Variants in BLM observed in about 807,000 individuals in gnomAD.
The protein encoded by BLM is BLM RecQ like helicase.
Under a neutral mutation model 135.3 loss-of-function variants are expected in BLM, and 95 were observed. That is an observed-to-expected ratio of 0.70 (90% CI 0.59 to 0.83). BLM has a LOEUF of 0.83. Ranked by LOEUF, BLM falls within the 40% of genes least tolerant of loss-of-function variation. The probability of loss-of-function intolerance (pLI) is 0.00; values close to 1 mark genes in which losing one functional copy is unlikely to be tolerated. For synonymous variants in BLM, 520 were observed against 589.2 expected, an observed-to-expected ratio of 0.88 and a Z score of 1.70; for missense variants, 1,518 against 1,663.9, an observed-to-expected ratio of 0.91 and a Z score of 1.53.
intron 1 of BLM, among the ~76,000 whole-genome samples, chr15:90,719,426 A>G (rs1894708398): frequency 6.6e-6 from 1 of 151,976 alleles, no homozygotes; most frequent in Non-Finnish European, 1.5e-5. Context: ...ACATGGCGAA[A>G]CTCCCTCTCT....
intron 7 of BLM, 140 bp from the exon 8 acceptor site, chr15:90,762,826 G>A (rs1896020873): frequency 1.2e-6 from 1 of 815,276 alleles, no homozygotes; most frequent in East Asian, 2.7e-5. Context: ...GACTTGTAGG[G>A]AAGGAAAGCC....
In BLM at chr15:90,803,700, G is replaced by A. The variant is rs1324479116; in HGVS notation, c.3538G>A (p.Val1180Ile). ...YVMLGNKAQT[V>I]LNGNLKVDFM... Reference sequence around the variant, plus strand: ...GATGCTCGGAAATAAAGCCCAAACTGTACTAAATGGCAATTTAAAGGTATA... The same window carrying A: ...GATGCTCGGAAATAAAGCCCAAACTATACTAAATGGCAATTTAAAGGTATA... The change falls in exon 18 of 22, where the codon GTA becomes ATA. Residue 1180 changes from valine (V) to isoleucine (I), a missense_variant. Transcript: ENST00000355112. 3.1e-6 allele frequency: 5 copies of A among 1,613,988 alleles called. No homozygotes were observed. Among genetic ancestry groups the A allele is most frequent in the Non-Finnish European group, 4.2e-6 (5 of 1,179,974 alleles).
At chr15:90,774,783 G>A (rs1468761079) in intron 12 of BLM, among the ~76,000 whole-genome samples, 1 of 146,186 alleles carries the variant, frequency 6.8e-6, no homozygotes, top group Admixed American at 6.9e-5. Context: ...GCAGTGAGCC[G>A]AGATCATGCC....
chr15:90,742,987 A>G (rs1009459670), intron 1 of BLM, among the ~76,000 whole-genome samples: 2 of 144,554 alleles, frequency 1.4e-5, no homozygotes, highest in Non-Finnish European at 3.0e-5. Context: ...TGAAGCTTAC[A>G]TTTCCTGTGA....
intron 20 of BLM, among the ~76,000 whole-genome samples, chr15:90,810,307 A>C (rs1420381168): frequency 6.6e-6 from 1 of 152,170 alleles, no homozygotes; most frequent in African/African-American, 2.4e-5. Context: ...CACCTGCCTC[A>C]GCCTCCTGAA....
chr15:90,803,856 T>G (rs1425103261), intron 18 of BLM, 136 bp downstream of exon 18: 1 of 987,076 alleles, frequency 1.0e-6, no homozygotes, highest in Non-Finnish European at 1.5e-6. Flanking sequence ...ATATTCTGTT[T>G]TTCTTAAATT....
intron 1 of BLM, among the ~76,000 whole-genome samples, chr15:90,726,689 T>A (rs1299270668): frequency 6.6e-6 from 1 of 152,242 alleles, no homozygotes; most frequent in Non-Finnish European, 1.5e-5. Flanking sequence ...GAACATATGG[T>A]GTTTAACTTT....
At chr15:90,729,944 C>G (rs909330304) in intron 1 of BLM, among the ~76,000 whole-genome samples, 11 of 152,286 alleles carry the variant, frequency 7.2e-5, no homozygotes, top group South Asian at 2.1e-4. Flanking sequence ...CTCCCGGGTT[C>G]AAGCGATTCT....
At chr15:90,790,448 G>A in intron 14 of BLM, 1 of 597,836 alleles carries the variant, frequency 1.7e-6, no homozygotes, top group Non-Finnish European at 2.9e-6. Flanking sequence ...ACCTTCTTGG[G>A]TTTTAATGGC....
chr15:90,812,052 C>A (rs548705541), intron 21 of BLM, among the ~76,000 whole-genome samples: 3 of 152,178 alleles, frequency 2.0e-5, no homozygotes, highest in African/African-American at 7.2e-5. Context: ...TCTTAAGAGA[C>A]TTTTCCACCT....
chr15:90,807,389 T>A (rs995551619), intron 19 of BLM, among the ~76,000 whole-genome samples: 1 of 152,084 alleles, frequency 6.6e-6, no homozygotes, highest in Non-Finnish European at 1.5e-5. Context: ...GTGCCTGGGT[T>A]TTTTTTGTTT....
At chr15:90,732,393 G>A (rs1895091653) in intron 1 of BLM, among the ~76,000 whole-genome samples, 1 of 151,732 alleles carries the variant, frequency 6.6e-6, no homozygotes, top group Non-Finnish European at 1.5e-5. Flanking sequence ...GAAAACATTA[G>A]TAATTTCATA....
intron 1 of BLM, among the ~76,000 whole-genome samples, chr15:90,744,385 A>T (rs779179159): frequency 2.0e-5 from 3 of 152,052 alleles, no homozygotes; most frequent in African/African-American, 4.8e-5. Context: ...TTATTTATTT[A>T]TTTTTTGAGA....
rs1596267974 is a variant in BLM at position 90,804,089 on chromosome 15, T to G, written c.3559-78T>G. ...ATAGAATTGCCCCCCAAAAATGCAA[T>G]TAAGCATTAAATAAAGCCCCTGTAT... On this transcript the variant is annotated intron_variant, in intron 18 of 21. Coordinates refer to ENST00000355112, the MANE Select transcript of BLM (RefSeq NM_000057.4). 4.4e-6 allele frequency: 6 copies of G among 1,355,702 alleles called. No homozygotes were observed. In the East Asian group the frequency reaches 1.5e-4, roughly 33 times the overall value. The allele number at this position is 1,355,702 out of a possible 1,614,324, so 84.0% of individuals were successfully genotyped here.
intron 13 of BLM, 115 bp downstream of exon 13, chr15:90,783,043 C>G: frequency 2.4e-6 from 2 of 826,878 alleles, no homozygotes; most frequent in Non-Finnish European, 4.1e-6. Flanking sequence ...ACAGCACTAA[C>G]TTGCTCTTTA....
intron 12 of BLM, among the ~76,000 whole-genome samples, chr15:90,781,353 G>C (rs1896612669): frequency 6.6e-6 from 1 of 152,190 alleles, no homozygotes; most frequent in Non-Finnish European, 1.5e-5. Flanking sequence ...GGCCGGGTAT[G>C]GTGGCTCACA....
At chr15:90,753,602 T>G (rs1895743901) in intron 4 of BLM, among the ~76,000 whole-genome samples, 1 of 152,382 alleles carries the variant, frequency 6.6e-6, no homozygotes, top group East Asian at 1.9e-4. Flanking sequence ...GTATATATTA[T>G]AAAACTGAAA....
chr15:90,770,515 A>G (rs1478055772), intron 12 of BLM, among the ~76,000 whole-genome samples: 6 of 152,166 alleles, frequency 3.9e-5, no homozygotes, highest in Non-Finnish European at 8.8e-5. Context: ...GGATTATTTT[A>G]TACTTCTACC....
chr15:90,729,265 G>A (rs535241780), intron 1 of BLM, among the ~76,000 whole-genome samples: 43 of 152,166 alleles, frequency 2.8e-4, no homozygotes, highest in South Asian at 1.5e-3. Context: ...TGCCGAGATC[G>A]CGCCACTGTA....
Sources: gnomAD v4.1 joint callset for allele counts (sites outside exome capture counted in the v4.1 genomes callset) on GRCh38, gnomAD v4.1.1 for gene constraint, MANE v1.5 for transcripts, NCBI Gene and HGNC (gene_info 2026-07-23, HGNC 2026-07-21) for gene names.